SH3RF3: variants seen among roughly 807,000 people sequenced by gnomAD.
SH3RF3 encodes the protein E3 ubiquitin-protein ligase SH3RF3.
SH3RF3 carries 29 observed loss-of-function variants against 66.3 expected under a neutral mutation model. That is an observed-to-expected ratio of 0.44 (90% CI 0.33 to 0.60). The LOEUF is 0.60. SH3RF3 is among the 20% of genes least tolerant of loss of function. SH3RF3 has a pLI of 0.04. For missense variants in SH3RF3, 1,194 were observed against 1,190.9 expected (o/e 1.00, Z -0.04); for synonymous variants, 583 against 532.0 (o/e 1.10, Z -1.32).
At chr2:109,211,816 T>C (rs1048265674) in intron 1 of SH3RF3, among the ~76,000 whole-genome samples, 11 of 152,220 alleles carry the variant, frequency 7.2e-5, no homozygotes, top group Middle Eastern at 3.4e-3. Flanking sequence ...CTATTTTTTG[T>C]ATTTTTAGGA....
chr2:109,179,574 A>T (rs1206292770), intron 1 of SH3RF3, among the ~76,000 whole-genome samples: 1 of 152,228 alleles, frequency 6.6e-6, no homozygotes, highest in Non-Finnish European at 1.5e-5. Flanking sequence ...AGAACATGGT[A>T]CTGGCATCTG....
Position 109,371,592 on chromosome 2 carries a change from A to T in SH3RF3, c.856A>T (p.Ile286Phe), listed in dbSNP as rs1683273128. The change falls in exon 3 of 10, where the codon ATT becomes TTT. Residue 286 changes from isoleucine to phenylalanine, a missense_variant. Coordinates refer to ENST00000309415, the MANE Select transcript of SH3RF3 (RefSeq NM_001099289.3). ...GGTGGACCCGGAACTGCAGGACGAG[A>T]TTCTGACGGTGCTCAGGAGAGTGGA... ...KDCLTFTKDE[I>F]LTVLRRVDEN... 6.2e-7 allele frequency: 1 copy of T among 1,613,676 alleles called. No individual in the cohort carries two copies. The highest frequency in any genetic ancestry group is 8.5e-7 in the Non-Finnish European group (1 of 1,179,860).
At chr2:109,169,394 A>G (rs1286924844) in intron 1 of SH3RF3, among the ~76,000 whole-genome samples, 2 of 152,104 alleles carry the variant, frequency 1.3e-5, no homozygotes, top group African/African-American at 2.4e-5. Context: ...GATGGTGATG[A>G]TGTGGCTGAT....
intron 1 of SH3RF3, among the ~76,000 whole-genome samples, chr2:109,287,512 G>A (rs1215921386): frequency 2.0e-5 from 3 of 152,138 alleles, no homozygotes; most frequent in African/African-American, 7.2e-5. Context: ...GGGACACTAC[G>A]CTCAGGTGAC....
chr2:109,129,652 A>G lies in SH3RF3; in HGVS notation c.112A>G (p.Thr38Ala). The G allele has an allele frequency of 1.3e-6, 2 of 1,501,110 alleles. No homozygotes were observed. The highest frequency in any genetic ancestry group is 2.7e-5 in the East Asian group (1 of 36,486). The allele number at this position is 1,501,110 out of a possible 1,614,324, so 93.0% of individuals were successfully genotyped here. A position where few individuals can be genotyped will look rare whatever the true frequency, so the allele number is the denominator to read the frequency against. ...GERRRRRAAA[T>A]AAGAGEDMDE... ...GCGACGGCGGCGTCGGGCGGCGGCC[A>G]CCGCCGCGGGGGCGGGCGAGGACAT... Residue 38 changes from threonine (T) to alanine (A), a missense_variant, in exon 1 of 10, where the codon ACC becomes GCC. By Grantham distance (58) the Thr-to-Ala change is moderately conservative. Coordinates refer to ENST00000309415, the MANE Select transcript of SH3RF3 (RefSeq NM_001099289.3).
At chr2:109,192,937 A>T (rs952936910) in intron 1 of SH3RF3, among the ~76,000 whole-genome samples, 1 of 152,166 alleles carries the variant, frequency 6.6e-6, no homozygotes, top group Non-Finnish European at 1.5e-5. Context: ...AGCTGTGGTT[A>T]AATTAAGGGT....
chr2:109,332,337 C>T (rs901505216), intron 1 of SH3RF3, among the ~76,000 whole-genome samples: 37 of 152,104 alleles, frequency 2.4e-4, no homozygotes, highest in African/African-American at 7.7e-4. Flanking sequence ...CTGAGAGTTG[C>T]GCCCAGGGGT....
At chr2:109,138,050 C>A (rs1676853766) in intron 1 of SH3RF3, among the ~76,000 whole-genome samples, 1 of 152,200 alleles carries the variant, frequency 6.6e-6, no homozygotes, top group Admixed American at 6.5e-5. Context: ...CAGTCTTGCT[C>A]TGTTACCCTA....
chr2:109,307,596 C>T (rs920499543), intron 1 of SH3RF3, among the ~76,000 whole-genome samples: 1 of 130,760 alleles, frequency 7.6e-6, no homozygotes, highest in African/African-American at 3.1e-5. Flanking sequence ...ACCACAGTCC[C>T]CAGAGTGTGA....
chr2:109,142,579 G>C (rs1676982459), intron 1 of SH3RF3, among the ~76,000 whole-genome samples: 1 of 152,150 alleles, frequency 6.6e-6, no homozygotes, highest in Admixed American at 6.5e-5. Context: ...TGAGGGAGGA[G>C]GATTCTAGTC....
At chr2:109,261,207 T>G (rs1409104618) in intron 1 of SH3RF3, among the ~76,000 whole-genome samples, 1 of 152,046 alleles carries the variant, frequency 6.6e-6, no homozygotes. Context: ...CCTTTGTAGT[T>G]GCATAGGTGT....
At position 109,129,746 on chromosome 2, in the gene SH3RF3, A is replaced by G. The variant is rs1393704451; in HGVS notation, c.206A>G (p.Lys69Arg). ...CTGGAGCGCCTGGACACCACGGCCA[A>G]GGTGCTGCCATGCCAACACACTTTC... Reference protein sequence around the residue: ...VCLERLDTTAKVLPCQHTFCR... With the variant: ...VCLERLDTTARVLPCQHTFCR... Residue 69 changes from lysine (K) to arginine (R), a missense_variant, in exon 1 of 10, where the codon AAG becomes AGG. Physicochemically the swap from Lys to Arg is conservative, Grantham distance 26. Transcript: ENST00000309415. 1.3e-6 allele frequency: 2 copies of G among 1,539,330 alleles called. No homozygotes were observed. Among genetic ancestry groups the G allele is most frequent in the East Asian group, 2.5e-5 (1 of 40,614 alleles).
intron 1 of SH3RF3, among the ~76,000 whole-genome samples, chr2:109,213,107 T>C (rs1166641582): frequency 3.3e-5 from 5 of 152,162 alleles, no homozygotes. Context: ...GTTGCATCAC[T>C]TTGGGTGCTC....
At chr2:109,199,607 T>TCAACCCGACTGCAG (rs1558953948) in intron 1 of SH3RF3, among the ~76,000 whole-genome samples, 1 of 276 alleles carries the variant, frequency 3.6e-3, no homozygotes. Flanking sequence ...TGGAATGGAA[T>TCAACCCGACTGCAG]GGAATGGAAT....
rs529915229 is a variant in SH3RF3, at chr2:109,494,488, C to T, written c.2480+3552C>T. On this transcript the variant is annotated intron_variant, in intron 9 of 9. Transcript: ENST00000309415. The stretch of plus-strand genomic sequence containing the variant: ...CATGACTGGGAAAATGCTGACTCCT[C>T]GGGCTGGGACAGCACCAGAGAGCAC... 2.0e-5 allele frequency among the ~76,000 whole-genome samples: 3 copies of T among 152,252 alleles called. No homozygotes were observed. The South Asian group carries it at 6.2e-4, about 32-fold the overall frequency.
intron 1 of SH3RF3, among the ~76,000 whole-genome samples, chr2:109,223,521 T>C (rs996734972): frequency 3.9e-5 from 6 of 152,182 alleles, no homozygotes; most frequent in Non-Finnish European, 8.8e-5. Context: ...ATGAGCAGAA[T>C]GGAAGCGTAG....
chr2:109,160,468 A>C (rs956903686), intron 1 of SH3RF3, among the ~76,000 whole-genome samples: 1 of 152,258 alleles, frequency 6.6e-6, no homozygotes, highest in Non-Finnish European at 1.5e-5. Flanking sequence ...ACTTGGTCCC[A>C]AGAGGACGCA....
At position 109,314,814 on chromosome 2, in the gene SH3RF3, T is replaced by A. The variant is rs186256868; in HGVS notation, c.574-32860T>A. Among the ~76,000 whole-genome samples the A allele has an allele frequency of 3.3e-5, 5 of 152,378 alleles. No homozygotes were observed. In the East Asian group the frequency reaches 9.6e-4, roughly 29 times the overall value. ...AGGGTGTGACAGTACTGGCATCATA[T>A]TTCTGTCTAGTGAATAGGAGAATCA... On this transcript the variant is annotated intron_variant, in intron 1 of 9. Transcript: ENST00000309415.
chr2:109,295,900 G>C (rs1681295365), intron 1 of SH3RF3, among the ~76,000 whole-genome samples: 2 of 152,168 alleles, frequency 1.3e-5, no homozygotes, highest in African/African-American at 2.4e-5. Context: ...TAGAGGTGGG[G>C]CTTGAGGACA....
Sources: gnomAD v4.1 joint callset for allele counts (sites outside exome capture counted in the v4.1 genomes callset) on GRCh38, gnomAD v4.1.1 for gene constraint, MANE v1.5 for transcripts, NCBI Gene and HGNC (gene_info 2026-07-23, HGNC 2026-07-21) for gene names.